The following FCHSD1 variants were observed in gnomAD, a reference collection of about 807,000 sequenced individuals.
The protein encoded by FCHSD1 is FCH and double SH3 domains 1, also known as F-BAR and double SH3 domains protein 1.
Under a neutral mutation model 101.3 loss-of-function variants are expected in FCHSD1, and 109 were observed. That is an observed-to-expected ratio of 1.08 (90% CI 0.92 to 1.26). The LOEUF (loss-of-function observed/expected upper bound fraction) is 1.26, where lower values mean the gene tolerates loss of function less well. FCHSD1 is among the 50% of genes most tolerant of loss of function. The pLI is 0.00. For missense variants in FCHSD1, 820 were observed against 895.8 expected (o/e 0.92, Z 1.08); for synonymous variants, 291 against 356.8 (o/e 0.82, Z 2.08).
chr5:141,643,669 A>C (rs1368323356), intron 17 of FCHSD1, among the ~76,000 whole-genome samples: 1 of 152,150 alleles, frequency 6.6e-6, no homozygotes, highest in Non-Finnish European at 1.5e-5. Flanking sequence ...GACCAAATGG[A>C]GAAACCCTGT....
intron 17 of FCHSD1, 128 bp from the exon 18 acceptor site, chr5:141,643,216 C>CGGG: frequency 7.4e-6 from 4 of 543,064 alleles, no homozygotes; most frequent in South Asian, 2.8e-5. Flanking sequence ...TGCTTGCATT[C>CGGG]GGTGGGGGGG....
rs991976729 is a variant in FCHSD1, at chr5:141,639,730, G to A, written c.*1768C>T. 96 of 1,419,104 alleles carry A rather than the reference G, an allele frequency of 6.8e-5. No individual in the cohort carries two copies. Among genetic ancestry groups the A allele is most frequent in the Non-Finnish European group, 9.1e-5 (94 of 1,037,394 alleles). The allele number at this position is 1,419,104 out of a possible 1,614,324, so 87.9% of individuals were successfully genotyped here. A position where few individuals can be genotyped will look rare whatever the true frequency, so the allele number is the denominator to read the frequency against. Reference sequence around the variant, plus strand: ...CACCTGATCCCAAAAGTGGGCCTTGGCTCTTTCCTCCTGGACTGGGAGCTC... The same window carrying A: ...CACCTGATCCCAAAAGTGGGCCTTGACTCTTTCCTCCTGGACTGGGAGCTC... On this transcript the variant is annotated 3_prime_UTR_variant, in exon 20 of 20. Transcript: ENST00000435817. This position sits in a 1 kb window ranked among gnomAD's most constrained non-coding sequence, Gnocchi z 4.4.
intron 17 of FCHSD1, 70 bp downstream of exon 17, chr5:141,644,148 T>C: frequency 7.1e-7 from 1 of 1,401,430 alleles, no homozygotes; most frequent in Non-Finnish European, 9.7e-7. Flanking sequence ...AAGATGAATA[T>C]GAGGCTTTAT....
rs1321405834 is a variant in FCHSD1, at chr5:141,649,879, G to T, written c.233+8C>A. The T allele has an allele frequency of 6.5e-7, 1 of 1,547,180 alleles. No individual in the cohort carries two copies. The highest frequency in any genetic ancestry group is 8.7e-7 in the Non-Finnish European group (1 of 1,146,314). On this transcript the variant is annotated splice_region_variant and intron_variant, in intron 4 of 19. Transcript: ENST00000435817. This position sits in a 1 kb window ranked among gnomAD's most constrained non-coding sequence, Gnocchi z 4.1. The stretch of plus-strand genomic sequence containing the variant: ...GCCTCTGTGGCCCTCCCCCTCCATA[G>T]GGCCCACCTGCTGTCCATCTCACCG...
chr5:141,647,265 C>G, intron 9 of FCHSD1, 35 bp from the exon 10 acceptor site: 1 of 1,582,356 alleles, frequency 6.3e-7, no homozygotes, highest in East Asian at 2.3e-5. Flanking sequence ...CACTCATTCA[C>G]TGACTCACTC....
Position 141,648,024 on chromosome 5 carries a change from C to G in FCHSD1, c.649G>C (p.Ala217Pro), listed in dbSNP as rs749002061. Reference sequence around the variant, plus strand: ...TAATGGTCGAGGTGGGCATTGGTAGCCACCAAGTTAAGCAGGTACTCATTG... The same window carrying G: ...TAATGGTCGAGGTGGGCATTGGTAGGCACCAAGTTAAGCAGGTACTCATTG... ...ARNEYLLNLV[A>P]TNAHLDHYYQ... Residue 217 changes from alanine to proline, a missense_variant, in exon 8 of 20, where the codon GCT (alanine) becomes CCT (proline). Coordinates refer to ENST00000435817, the MANE Select transcript of FCHSD1 (RefSeq NM_033449.3). The G allele has an allele frequency of 4.3e-6, 7 of 1,613,430 alleles. No homozygotes were observed. The highest frequency in any genetic ancestry group is 1.7e-4 in the Middle Eastern group (1 of 6,058).
In FCHSD1 at chr5:141,649,360, C is replaced by A; in HGVS notation, c.375+35G>T. On this transcript the variant is annotated intron_variant, in intron 5 of 19. Coordinates refer to ENST00000435817, the MANE Select transcript of FCHSD1 (RefSeq NM_033449.3). The surrounding 1 kb of genome is among the most constrained non-coding windows in gnomAD (Gnocchi z 4.1). ...TACCTAGACCACCTTTGGTCCCAAG[C>A]CAGCTCTTCCTTCACCCCAACCTCT... 6.2e-7 allele frequency: 1 copy of A among 1,613,840 alleles called. No individual in the cohort carries two copies. The highest frequency in any genetic ancestry group is 8.5e-7 in the Non-Finnish European group (1 of 1,179,752).
intron 2 of FCHSD1, among the ~76,000 whole-genome samples, chr5:141,650,807 G>C (rs1171785476): frequency 6.8e-6 from 1 of 146,536 alleles, no homozygotes; most frequent in African/African-American, 2.5e-5. Flanking sequence ...GAGGGTTCCT[G>C]TGTGTTTATG....
chr5:141,641,791 T>C, intron 18 of FCHSD1, 34 bp from the exon 19 acceptor site: 1 of 1,612,180 alleles, frequency 6.2e-7, no homozygotes, highest in African/African-American at 1.3e-5. Context: ...GTCTTCAGAC[T>C]TTGTTTTGTT....
chr5:141,640,339 GCT>G lies in FCHSD1; in HGVS notation c.*1157_*1158del. ...GACTGCACTGGGCTGGGCTCTTATT[GCT>G]CTCTACTCTGGGGGGCACTGATAGG... On this transcript the variant is annotated 3_prime_UTR_variant, in exon 20 of 20. Coordinates refer to ENST00000435817, the MANE Select transcript of FCHSD1 (RefSeq NM_033449.3). 1 of 1,613,990 alleles carries G rather than the reference GCT, an allele frequency of 6.2e-7. No homozygotes were observed. Among genetic ancestry groups the G allele is most frequent in the Non-Finnish European group, 8.5e-7 (1 of 1,179,918 alleles).
chr5:141,645,624 C>A, intron 13 of FCHSD1, 147 bp downstream of exon 13: 1 of 1,014,384 alleles, frequency 9.9e-7, no homozygotes, highest in South Asian at 1.8e-5. Flanking sequence ...AGAAATTATG[C>A]AAAGAATGAT....
At position 141,639,966 on chromosome 5, in the gene FCHSD1, C is replaced by A. The variant is rs376262095; in HGVS notation, c.*1532G>T. On this transcript the variant is annotated 3_prime_UTR_variant, in exon 20 of 20. Coordinates refer to ENST00000435817, the MANE Select transcript of FCHSD1 (RefSeq NM_033449.3). This position sits in a 1 kb window ranked among gnomAD's most constrained non-coding sequence, Gnocchi z 4.4. The stretch of plus-strand genomic sequence containing the variant: ...GAAGCGCTATGGACTGCACGAACAC[C>A]GTGATGGCTCCCCCACAGACAGGAG... The A allele has an allele frequency of 1.9e-6, 3 of 1,613,970 alleles. No individual in the cohort carries two copies. The African/African-American group carries it at 4.0e-5, about 22-fold the overall frequency.
rs753246462 is a variant in FCHSD1 at position 141,646,736 on chromosome 5, G to A, written c.925-14C>T. 1.2e-6 allele frequency: 2 copies of A among 1,610,280 alleles called. No individual in the cohort carries two copies. Among genetic ancestry groups the A allele is most frequent in the Non-Finnish European group, 1.7e-6 (2 of 1,179,182 alleles). On this transcript the variant is annotated splice_polypyrimidine_tract_variant and intron_variant, in intron 10 of 19. Coordinates refer to ENST00000435817, the MANE Select transcript of FCHSD1 (RefSeq NM_033449.3). ...CAGGACACACACCTGAATGGGTCAG[G>A]GGGTGCTGTGAGGAGGACCTGAGGC...
At position 141,641,481 on chromosome 5, in the gene FCHSD1, C is replaced by T. The variant is rs752937207; in HGVS notation, c.*17G>A. 2.0e-6 allele frequency: 3 copies of T among 1,473,778 alleles called. No individual in the cohort carries two copies. The allele number at this position is 1,473,778 out of a possible 1,614,324, so 91.3% of individuals were successfully genotyped here. On this transcript the variant is annotated 3_prime_UTR_variant, in exon 20 of 20. Coordinates refer to ENST00000435817, the MANE Select transcript of FCHSD1 (RefSeq NM_033449.3). ...TAGGGACAGCAGCATCACTGGGGGT[C>T]AAGGCTTCCCTGGCCTTCAGGTGAG...
intron 12 of FCHSD1, 72 bp downstream of exon 12, chr5:141,646,015 T>C: frequency 6.5e-7 from 1 of 1,543,826 alleles, no homozygotes; most frequent in Non-Finnish European, 8.8e-7. Context: ...CCTCCCACCA[T>C]CAGAAAGAGG....
Position 141,649,039 on chromosome 5 carries a change from G to A in FCHSD1, c.513-19C>T, listed in dbSNP as rs761199136. ...GTTTAGCCTGTGCAGATGAGAGAAA[G>A]GAGTCAGGCCCACCCCAAGTGGGAG... On this transcript the variant is annotated intron_variant, in intron 6 of 19. Transcript: ENST00000435817. This position sits in a 1 kb window ranked among gnomAD's most constrained non-coding sequence, Gnocchi z 4.1. 4 of 1,613,980 alleles carry A rather than the reference G, an allele frequency of 2.5e-6. No individual in the cohort carries two copies. The highest frequency in any genetic ancestry group is 1.1e-5 in the South Asian group (1 of 91,086).
In FCHSD1 at chr5:141,650,403, A is replaced by C. The variant is rs1423773015; in HGVS notation, c.121T>G (p.Ser41Ala). 6.2e-7 allele frequency: 1 copy of C among 1,613,820 alleles called. No individual in the cohort carries two copies. Among genetic ancestry groups the C allele is most frequent in the South Asian group, 1.1e-5 (1 of 91,074 alleles). The change falls in exon 3 of 20, where the codon TCC (serine) becomes GCC (alanine). Residue 41 changes from serine to alanine, a missense_variant and splice_region_variant. Ser to Ala is a moderately conservative substitution (Grantham distance 99). Coordinates refer to ENST00000435817, the MANE Select transcript of FCHSD1 (RefSeq NM_033449.3). ...READLLEDIR[S>A]YSKQRAAIER... The stretch of plus-strand genomic sequence containing the variant: ...ATGGCTGCCCTCTGCTTGCTGTAGG[A>C]TCTGCGGAGATTGCAGGTCGGGGGT...
chr5:141,645,145 C>T lies in FCHSD1; in HGVS notation c.1315G>A (p.Glu439Lys). 1 of 1,549,870 alleles carries T rather than the reference C, an allele frequency of 6.5e-7. No homozygotes were observed. The highest frequency in any genetic ancestry group is 8.7e-7 in the Non-Finnish European group (1 of 1,147,788). Residue 439 changes from glutamate (E) to lysine (K), a missense_variant, in exon 14 of 20, where the codon GAG becomes AAG. Transcript: ENST00000435817. ...LSQRDLSPTA[E>K]DAELSDFEEC... ...TCAAAGTCAGAAAGCTCAGCATCCT[C>T]AGCCTAGAGGGGCAAAGAACAGACC...
At chr5:141,642,341 G>A (rs2099907020) in intron 18 of FCHSD1, 2 of 658,418 alleles carry the variant, frequency 3.0e-6, no homozygotes, top group Non-Finnish European at 5.4e-6. Context: ...AGACTCCCAG[G>A]ACTCCAAAGG....
Sources: gnomAD v4.1 joint callset for allele counts (sites outside exome capture counted in the v4.1 genomes callset) on GRCh38, gnomAD v4.1.1 for gene constraint, Gnocchi (gnomAD v3.1) non-coding constraint, MANE v1.5 for transcripts, NCBI Gene and HGNC (gene_info 2026-07-23, HGNC 2026-07-21) for gene names.